MLLT3: variants seen among roughly 807,000 people sequenced by gnomAD.
The protein encoded by MLLT3 is protein AF-9.
A neutral mutation model predicts 53.2 loss-of-function variants in MLLT3; 4 were observed. The ratio of observed to expected loss-of-function variants is 0.08; its 90% CI spans 0.04 to 0.17. The LOEUF is 0.17. Among genes scored for constraint, MLLT3 ranks in the 10% least tolerant of loss-of-function variants. The pLI is 1.00. For missense variants in MLLT3, 569 were observed against 684.0 expected (o/e 0.83, Z 1.87); for synonymous variants, 283 against 230.6 (o/e 1.23, Z -2.06).
intron 4 of MLLT3, 92 bp from the exon 5 acceptor site, chr9:20,414,517 C>T: frequency 1.3e-6 from 2 of 1,553,420 alleles, no homozygotes; most frequent in African/African-American, 1.4e-5. Context: ...TTCTTTGATT[C>T]CTCTCAAGCT....
chr9:20,492,774 T>C lies in MLLT3; in HGVS notation c.194-35988A>G, dbSNP rs554526892. Among the ~76,000 whole-genome samples the C allele has an allele frequency of 3.3e-5, 5 of 152,118 alleles. No homozygotes were observed. In the South Asian group the frequency reaches 1.0e-3, roughly 32 times the overall value. ...TCTCTAACTTAAATATCCATTAATA[T>C]GCTAAACTAAGAATTTTAGTAAGTA... On this transcript the variant is annotated intron_variant, in intron 2 of 10. Coordinates refer to ENST00000380338, the MANE Select transcript of MLLT3 (RefSeq NM_004529.4).
At chr9:20,356,437 G>GT (rs1652721582) in intron 8 of MLLT3, among the ~76,000 whole-genome samples, 1 of 152,056 alleles carries the variant, frequency 6.6e-6, no homozygotes, top group Admixed American at 6.5e-5. Flanking sequence ...GTTGTTGAAA[G>GT]TGAGATCTCA....
chr9:20,475,166 T>C (rs538673520), intron 2 of MLLT3, among the ~76,000 whole-genome samples: 1 of 152,208 alleles, frequency 6.6e-6, no homozygotes, highest in African/African-American at 2.4e-5. Context: ...AGGCTCAAGG[T>C]GAAGTTATTT....
chr9:20,520,129 A>G (rs147289631), intron 2 of MLLT3, among the ~76,000 whole-genome samples: 3 of 152,280 alleles, frequency 2.0e-5, no homozygotes, highest in Non-Finnish European at 2.9e-5. Context: ...GTTCTCACTT[A>G]TAAGTGGGAG....
chr9:20,403,766 T>C (rs1822513633), intron 5 of MLLT3, among the ~76,000 whole-genome samples: 1 of 152,214 alleles, frequency 6.6e-6, no homozygotes, highest in African/African-American at 2.4e-5. Flanking sequence ...TTTATATTAC[T>C]AAAAATGCCC....
At chr9:20,357,518 C>T (rs770102400) in intron 8 of MLLT3, among the ~76,000 whole-genome samples, 5 of 152,210 alleles carry the variant, frequency 3.3e-5, no homozygotes, top group South Asian at 2.1e-4. Flanking sequence ...TCTTGACAAA[C>T]GTTCAAGATT....
intron 2 of MLLT3, among the ~76,000 whole-genome samples, chr9:20,615,161 T>C (rs749586477): frequency 2.6e-5 from 4 of 151,410 alleles, no homozygotes; most frequent in South Asian, 2.1e-4. Context: ...CTGGGCAACA[T>C]AGTGAAACCC....
At chr9:20,357,987 A>G (rs1196175574) in intron 8 of MLLT3, among the ~76,000 whole-genome samples, 3 of 146,930 alleles carry the variant, frequency 2.0e-5, no homozygotes, top group Non-Finnish European at 4.5e-5. Context: ...CTGCGCACAC[A>G]CACACACACA....
At chr9:20,464,174 T>G (rs1379566401) in intron 2 of MLLT3, among the ~76,000 whole-genome samples, 1 of 152,156 alleles carries the variant, frequency 6.6e-6, no homozygotes, top group East Asian at 1.9e-4. Flanking sequence ...GGAACTGTTT[T>G]TTATTTAGAA....
At chr9:20,525,696 C>T (rs1421114246) in intron 2 of MLLT3, among the ~76,000 whole-genome samples, 4 of 152,202 alleles carry the variant, frequency 2.6e-5, no homozygotes. Flanking sequence ...ACTGAGCACA[C>T]AGGCTTCTCC....
chr9:20,447,846 TG>T (rs919399072), intron 4 of MLLT3, among the ~76,000 whole-genome samples: 4 of 152,216 alleles, frequency 2.6e-5, no homozygotes, highest in Admixed American at 6.6e-5. Context: ...ATTGCTTGTT[TG>T]TTTTGGGGTT....
chr9:20,489,193 C>T (rs189041236), intron 2 of MLLT3, among the ~76,000 whole-genome samples: 32 of 152,156 alleles, frequency 2.1e-4, no homozygotes, highest in Admixed American at 2.0e-3. Context: ...AGGGGACTGG[C>T]ATGTCAATGG....
At chr9:20,480,583 C>T (rs1484510408) in intron 2 of MLLT3, among the ~76,000 whole-genome samples, 1 of 152,182 alleles carries the variant, frequency 6.6e-6, no homozygotes, top group African/African-American at 2.4e-5. Context: ...TTTTCCTCCA[C>T]GTATTGGAGA....
At chr9:20,612,484 A>C (rs946591224) in intron 2 of MLLT3, among the ~76,000 whole-genome samples, 1 of 152,180 alleles carries the variant, frequency 6.6e-6, no homozygotes, top group African/African-American at 2.4e-5. Context: ...AATAAAGCAC[A>C]TCAGTTTGAC....
intron 2 of MLLT3, among the ~76,000 whole-genome samples, chr9:20,464,146 C>T (rs1473168058): frequency 6.6e-6 from 1 of 150,418 alleles, no homozygotes; most frequent in Admixed American, 6.6e-5. Context: ...TACTTCTGGC[C>T]GAGCCATTGC....
intron 2 of MLLT3, among the ~76,000 whole-genome samples, chr9:20,583,910 A>G (rs1418068818): frequency 6.6e-6 from 1 of 152,180 alleles, no homozygotes; most frequent in Non-Finnish European, 1.5e-5. Flanking sequence ...GCTCCTTGCT[A>G]CTTATGCAAA....
chr9:20,566,047 T>A (rs1228402055), intron 2 of MLLT3, among the ~76,000 whole-genome samples: 1 of 108,510 alleles, frequency 9.2e-6, no homozygotes, highest in African/African-American at 3.1e-5. Flanking sequence ...TTTATTTATA[T>A]ATATATTTAT....
In MLLT3 at chr9:20,430,339, C is replaced by A. The variant is rs554864515; in HGVS notation, c.421-15914G>T. Among the ~76,000 whole-genome samples the A allele has an allele frequency of 5.3e-5, 8 of 152,202 alleles. No individual in the cohort carries two copies. The East Asian group carries it at 1.4e-3, about 26-fold the overall frequency. On this transcript the variant is annotated intron_variant, in intron 4 of 10. Coordinates refer to ENST00000380338, the MANE Select transcript of MLLT3 (RefSeq NM_004529.4). ...AAATGTATATGAAGAAAAAAATGAT[C>A]TACTAGAACTTGTTACATTATATAG...
At chr9:20,546,087 A>G (rs1818780389) in intron 2 of MLLT3, among the ~76,000 whole-genome samples, 1 of 152,150 alleles carries the variant, frequency 6.6e-6, no homozygotes, top group Admixed American at 6.5e-5. Context: ...TATTCAACAT[A>G]TATTAAGCTA....
Sources: allele counts gnomAD v4.1 joint callset (sites outside exome capture counted in the v4.1 genomes callset), GRCh38; gene constraint gnomAD v4.1.1; transcripts MANE v1.5; gene names NCBI Gene and HGNC (gene_info 2026-07-23, HGNC 2026-07-21).